The following KAT2B variants were observed in gnomAD, a reference collection of about 807,000 sequenced individuals.
KAT2B encodes histone acetyltransferase KAT2B.
KAT2B carries 36 observed loss-of-function variants against 105.9 expected under a neutral mutation model. The ratio of observed to expected loss-of-function variants is 0.34; its 90% CI spans 0.26 to 0.45. The LOEUF is 0.45. Ranked by LOEUF, KAT2B falls within the 20% of genes least tolerant of loss-of-function variation. KAT2B has a pLI of 1.00. For synonymous variants in KAT2B, 397 were observed against 377.9 expected, an observed-to-expected ratio of 1.05 and a Z score of -0.59; for missense variants, 820 against 1,021.6, an observed-to-expected ratio of 0.80 and a Z score of 2.69.
Position 20,148,015 on chromosome 3 carries a change from A to G in KAT2B, c.2156+16A>G. ...AAGAGAAAAGGTAAGTATGACGGGC[A>G]AGAGGATGTTAATGGAAGTGATTTT... On this transcript the variant is annotated intron_variant, in intron 15 of 17. Coordinates refer to ENST00000263754, the MANE Select transcript of KAT2B (RefSeq NM_003884.5). 6.2e-7 allele frequency: 1 copy of G among 1,612,848 alleles called. No homozygotes were observed. Among genetic ancestry groups the G allele is most frequent in the Admixed American group, 1.7e-5 (1 of 59,980 alleles).
chr3:20,099,760 A>T (rs1440272192), intron 3 of KAT2B, 102 bp from the exon 4 acceptor site: 7 of 266,860 alleles, frequency 2.6e-5, no homozygotes, highest in Non-Finnish European at 4.4e-5. Flanking sequence ...TGTGTGTGTA[A>T]GAGAGAGAGA....
chr3:20,122,523 G>A, intron 8 of KAT2B, 145 bp from the exon 9 acceptor site: 1 of 564,120 alleles, frequency 1.8e-6, no homozygotes, highest in Non-Finnish European at 3.1e-6. Flanking sequence ...TCTCTTTCCT[G>A]TCTTCCTTTG....
chr3:20,108,957 G>A (rs1323030955), intron 5 of KAT2B, among the ~76,000 whole-genome samples: 2 of 152,154 alleles, frequency 1.3e-5, no homozygotes, highest in Non-Finnish European at 2.9e-5. Context: ...TGGAAAAATT[G>A]TCTCTCATGA....
At chr3:20,074,005 A>C (rs1328327276) in intron 2 of KAT2B, among the ~76,000 whole-genome samples, 1 of 152,246 alleles carries the variant, frequency 6.6e-6, no homozygotes, top group Non-Finnish European at 1.5e-5. Flanking sequence ...TTCACAAAAA[A>C]AGCCAACTTT....
At chr3:20,134,707 G>A (rs1335195080) in intron 11 of KAT2B, among the ~76,000 whole-genome samples, 3 of 152,070 alleles carry the variant, frequency 2.0e-5, no homozygotes, top group Non-Finnish European at 4.4e-5. Flanking sequence ...AGGATTATAG[G>A]CCACCGCGCC....
intron 2 of KAT2B, among the ~76,000 whole-genome samples, chr3:20,079,202 CTT>C (rs61697250): frequency 0.3 from 30,470 of 102,154 alleles, 4,009 homozygotes; most frequent in East Asian, 0.44. Context: ...CACCTGGCCT[CTT>C]TTTTTTTTTT....
At chr3:20,148,051 C>A (rs62241668) in intron 15 of KAT2B, 52 bp downstream of exon 15, 2 of 1,565,176 alleles carry the variant, frequency 1.3e-6, no homozygotes, top group East Asian at 2.3e-5. Flanking sequence ...TTTTTTTCCC[C>A]ACCAAGCAAC....
intron 8 of KAT2B, among the ~76,000 whole-genome samples, chr3:20,122,033 C>A (rs116193335): frequency 6.6e-6 from 1 of 151,754 alleles, no homozygotes; most frequent in Non-Finnish European, 1.5e-5. Context: ...CCGGTGGGGG[C>A]GGGGTGGAAT....
chr3:20,133,210 G>T (rs79856220), intron 11 of KAT2B, among the ~76,000 whole-genome samples: 2,471 of 152,294 alleles, frequency 0.016, 81 homozygotes, highest in African/African-American at 0.056. Flanking sequence ...TTACAGGTAA[G>T]AGGTGACTGT....
At chr3:20,105,163 G>T (rs995645352) in intron 5 of KAT2B, among the ~76,000 whole-genome samples, 1 of 152,136 alleles carries the variant, frequency 6.6e-6, no homozygotes, top group Non-Finnish European at 1.5e-5. Flanking sequence ...TGGGATTAAA[G>T]GCGTGAGCCA....
intron 2 of KAT2B, among the ~76,000 whole-genome samples, chr3:20,090,160 C>T (rs1698691826): frequency 6.6e-6 from 1 of 152,154 alleles, no homozygotes; most frequent in Non-Finnish European, 1.5e-5. Flanking sequence ...GACAATTTAA[C>T]TTCTTCTTTT....
Position 20,078,206 on chromosome 3 carries a change from A to G in KAT2B, c.430+5747A>G, listed in dbSNP as rs572482238. Among the ~76,000 whole-genome samples, 676 of 151,862 alleles carry G rather than the reference A, an allele frequency of 4.5e-3. 3 individuals carry two copies. Among genetic ancestry groups the G allele is most frequent in the Non-Finnish European group, 7.2e-3 (490 of 68,010 alleles). On this transcript the variant is annotated intron_variant, in intron 2 of 17. Coordinates refer to ENST00000263754, the MANE Select transcript of KAT2B (RefSeq NM_003884.5). Reference sequence around the variant, plus strand: ...AAAATAAATAAATAAATAAATAAATAAAAAGGCAGCCTGTTTTTACGAGCA... The same window carrying G: ...AAAATAAATAAATAAATAAATAAATGAAAAGGCAGCCTGTTTTTACGAGCA...
At chr3:20,149,065 T>C (rs1426006894) in intron 17 of KAT2B, 1 of 152,278 alleles carries the variant, frequency 6.6e-6, no homozygotes, top group Non-Finnish European at 1.5e-5. Context: ...AAAAAGGATG[T>C]CTTCAGAAAT....
chr3:20,078,778 G>A (rs1441300797), intron 2 of KAT2B, among the ~76,000 whole-genome samples: 1 of 151,094 alleles, frequency 6.6e-6, no homozygotes, highest in African/African-American at 2.4e-5. Context: ...TTTTCTGCTT[G>A]TTTACAGTAG....
intron 1 of KAT2B, 85 bp from the exon 2 acceptor site, chr3:20,072,248 A>C (rs765060330): frequency 2.1e-5 from 29 of 1,364,512 alleles, no homozygotes; most frequent in Non-Finnish European, 2.9e-5. Flanking sequence ...CTGTCATATA[A>C]TTAGTGTACA....
rs138339598 is a variant in KAT2B, at chr3:20,054,093, C to T, written c.303+13313C>T. 3.4e-3 allele frequency among the ~76,000 whole-genome samples: 522 copies of T among 151,606 alleles called. 1 individual carries two copies. The highest frequency in any genetic ancestry group is 0.012 in the African/African-American group (494 of 41,338). ...GATTACAGGCATGAGCCATTGTGTC[C>T]GGCTTTAGACTTATTTTTTTTTGTT... is the stretch of plus-strand genomic sequence containing the variant. On this transcript the variant is annotated intron_variant, in intron 1 of 17. Coordinates refer to ENST00000263754, the MANE Select transcript of KAT2B (RefSeq NM_003884.5).
chr3:20,129,592 T>TTGG, intron 11 of KAT2B, among the ~76,000 whole-genome samples: 1 of 152,162 alleles, frequency 6.6e-6, no homozygotes, highest in African/African-American at 2.4e-5. Flanking sequence ...GCCAGGCTGG[T>TTGG]CCTGAACTCC....
At chr3:20,066,183 C>T (rs1331891701) in intron 1 of KAT2B, among the ~76,000 whole-genome samples, 2 of 152,118 alleles carry the variant, frequency 1.3e-5, no homozygotes, top group African/African-American at 4.8e-5. Context: ...TGGTCTGTCT[C>T]ATAGTGAGAT....
Position 20,152,188 on chromosome 3 carries a change from T to G in KAT2B, c.2306-144T>G, listed in dbSNP as rs1699879709. The G allele has an allele frequency of 1.1e-5, 6 of 555,436 alleles. No homozygotes were observed. The Admixed American group carries it at 1.6e-4, about 14-fold the overall frequency. 34.4% of individuals were successfully genotyped at this position (555,436 alleles called of 1,614,324 possible). ...AAGATTTAAGAACTGTTTTCCTTGG[T>G]CATAAGAATTTCTCTTAAATAAAAG... On this transcript the variant is annotated intron_variant, in intron 17 of 17. Transcript: ENST00000263754.
Sources: gnomAD v4.1 joint callset for allele counts (sites outside exome capture counted in the v4.1 genomes callset) on GRCh38, gnomAD v4.1.1 for gene constraint, MANE v1.5 for transcripts, NCBI Gene and HGNC (gene_info 2026-07-23, HGNC 2026-07-21) for gene names.